MACROD2: variants seen among roughly 807,000 people sequenced by gnomAD.
MACROD2 encodes ADP-ribose glycohydrolase MACROD2.
MACROD2 carries 36 observed loss-of-function variants against 70.4 expected under a neutral mutation model. The observed-to-expected ratio is 0.51, with a 90% CI of 0.39 to 0.68. The LOEUF is 0.68. Among genes scored for constraint, MACROD2 ranks in the 30% least tolerant of loss-of-function variants. MACROD2 has a pLI of 0.00. For missense variants in MACROD2, 496 were observed against 538.4 expected (o/e 0.92, Z 0.78); for synonymous variants, 172 against 178.8 (o/e 0.96, Z 0.30).
chr20:14,033,128 A>G (rs1164561609), intron 2 of MACROD2, among the ~76,000 whole-genome samples: 4 of 139,482 alleles, frequency 2.9e-5, no homozygotes, highest in Non-Finnish European at 6.3e-5. Flanking sequence ...TCTATATGGA[A>G]TTTCTTTTTG....
intron 2 of MACROD2, among the ~76,000 whole-genome samples, chr20:14,085,243 CT>C (rs934923491): frequency 1.3e-5 from 2 of 151,580 alleles, no homozygotes; most frequent in Admixed American, 1.3e-4. Flanking sequence ...TCAAGGATGC[CT>C]TTTAGGTAAG....
intron 5 of MACROD2, among the ~76,000 whole-genome samples, chr20:15,020,345 G>A (rs1025000711): frequency 6.6e-6 from 1 of 152,114 alleles, no homozygotes; most frequent in African/African-American, 2.4e-5. Flanking sequence ...GGAGTTAGAA[G>A]TTGTCTCAGT....
rs369823076 is a variant in MACROD2 at position 14,822,676 on chromosome 20, T to G, written c.418+137717T>G. Among the ~76,000 whole-genome samples the G allele has an allele frequency of 4.6e-5, 7 of 152,128 alleles. No individual in the cohort carries two copies. The East Asian group carries it at 9.6e-4, about 21-fold the overall frequency. On this transcript the variant is annotated intron_variant, in intron 5 of 17. Transcript: ENST00000684519. The stretch of plus-strand genomic sequence containing the variant: ...CCATGAAACTATCTGAGTTTGAGAT[T>G]TCAGTTATAAAACACGCTCTTTTCA...
intron 8 of MACROD2, among the ~76,000 whole-genome samples, chr20:15,747,281 A>T (rs2051197841): frequency 6.6e-6 from 1 of 152,138 alleles, no homozygotes; most frequent in South Asian, 2.1e-4. Context: ...ATGGCACCTG[A>T]GTCCCTGACT....
intron 4 of MACROD2, among the ~76,000 whole-genome samples, chr20:14,676,048 C>A (rs562979354): frequency 1.5e-4 from 23 of 152,238 alleles, no homozygotes; most frequent in African/African-American, 5.3e-4. Context: ...GTTCATAAAG[C>A]AAGTTCTTAG....
intron 5 of MACROD2, among the ~76,000 whole-genome samples, chr20:15,187,882 T>C (rs1295990085): frequency 6.6e-6 from 1 of 152,164 alleles, no homozygotes; most frequent in African/African-American, 2.4e-5. Flanking sequence ...TTTTAAAAAT[T>C]GTTTCACAAG....
intron 5 of MACROD2, among the ~76,000 whole-genome samples, chr20:15,039,963 T>C (rs1323753877): frequency 6.6e-6 from 1 of 152,146 alleles, no homozygotes; most frequent in African/African-American, 2.4e-5. Flanking sequence ...CCACTTGTTA[T>C]TAAGGGGTCG....
intron 8 of MACROD2, among the ~76,000 whole-genome samples, chr20:15,708,692 T>G (rs117195644): frequency 0.018 from 2,468 of 135,264 alleles, 23 homozygotes; most frequent in Non-Finnish European, 0.03. Context: ...GGGCACAATA[T>G]CAAAACCCCA....
At chr20:16,041,564 C>T (rs913328816) in intron 16 of MACROD2, among the ~76,000 whole-genome samples, 1 of 151,932 alleles carries the variant, frequency 6.6e-6, no homozygotes, top group Non-Finnish European at 1.5e-5. Flanking sequence ...GAACTGAAGT[C>T]TATCTAGTGA....
chr20:14,587,404 T>C (rs1351630950), intron 4 of MACROD2, among the ~76,000 whole-genome samples: 1 of 151,772 alleles, frequency 6.6e-6, no homozygotes, highest in Non-Finnish European at 1.5e-5. Context: ...TTAATTATTA[T>C]TGTTATATTG....
intron 3 of MACROD2, among the ~76,000 whole-genome samples, chr20:14,456,862 G>T (rs2084309055): frequency 6.6e-6 from 1 of 151,338 alleles, no homozygotes; most frequent in African/African-American, 2.5e-5. Context: ...GACTACAGGT[G>T]CCCACCACCA....
At chr20:15,552,383 C>G (rs1568886912) in intron 8 of MACROD2, 1 of 152,176 alleles carries the variant, frequency 6.6e-6, no homozygotes, top group African/African-American at 2.4e-5. Flanking sequence ...TCTTGAAAAT[C>G]TCTCATTATT....
chr20:14,176,382 A>G (rs1482806656), intron 3 of MACROD2, among the ~76,000 whole-genome samples: 1 of 152,216 alleles, frequency 6.6e-6, no homozygotes, highest in Non-Finnish European at 1.5e-5. Flanking sequence ...TGTGCAGTTA[A>G]GGTGGTGACC....
chr20:15,443,856 C>A (rs1049324581), intron 7 of MACROD2, among the ~76,000 whole-genome samples: 3 of 152,076 alleles, frequency 2.0e-5, no homozygotes, highest in African/African-American at 7.2e-5. Context: ...GTCTATGACA[C>A]CCTGGTTTCT....
At chr20:15,266,774 C>CTACCACTCAG (rs1391580597) in intron 6 of MACROD2, among the ~76,000 whole-genome samples, 1 of 152,192 alleles carries the variant, frequency 6.6e-6, no homozygotes, top group Non-Finnish European at 1.5e-5. Flanking sequence ...CTCAGTGACC[C>CTACCACTCAG]TGTCTCTACC....
At chr20:15,725,420 C>T (rs941932688) in intron 8 of MACROD2, among the ~76,000 whole-genome samples, 1 of 152,168 alleles carries the variant, frequency 6.6e-6, no homozygotes, top group Non-Finnish European at 1.5e-5. Flanking sequence ...AATTGACTTG[C>T]ATGTTAACCT....
At chr20:14,776,925 C>T (rs899446529) in intron 5 of MACROD2, among the ~76,000 whole-genome samples, 4 of 152,056 alleles carry the variant, frequency 2.6e-5, no homozygotes, top group African/African-American at 4.8e-5. Flanking sequence ...TATATGTTTA[C>T]ACCTCACTTC....
At chr20:15,894,434 G>A (rs940796963) in intron 10 of MACROD2, among the ~76,000 whole-genome samples, 3 of 152,214 alleles carry the variant, frequency 2.0e-5, no homozygotes, top group Non-Finnish European at 4.4e-5. Flanking sequence ...GAGTGCAGGT[G>A]TCCTCAGCTT....
At chr20:14,472,078 G>A (rs1313941108) in intron 3 of MACROD2, among the ~76,000 whole-genome samples, 3 of 152,038 alleles carry the variant, frequency 2.0e-5, no homozygotes, top group Non-Finnish European at 4.4e-5. Context: ...ATTCAGGGGA[G>A]TTTCAACAAA....
Sources: allele counts gnomAD v4.1 joint callset (sites outside exome capture counted in the v4.1 genomes callset), GRCh38; gene constraint gnomAD v4.1.1; transcripts MANE v1.5; gene names NCBI Gene and HGNC (gene_info 2026-07-23, HGNC 2026-07-21).